Variants in ZNF407 observed in about 807,000 individuals in gnomAD.
ZNF407 encodes the protein zinc finger protein 407.
ZNF407 carries 17 observed loss-of-function variants against 131.2 expected under a neutral mutation model. The observed-to-expected ratio is 0.13, with a 90% CI of 0.09 to 0.19. The LOEUF is 0.19. Ranked by LOEUF, ZNF407 falls within the 10% of genes least tolerant of loss-of-function variation. The pLI is 1.00. For missense variants in ZNF407, 2,681 were observed against 2,830.6 expected (o/e 0.95, Z 1.20); for synonymous variants, 1,156 against 1,062.0 (o/e 1.09, Z -1.72).
intron 3 of ZNF407, among the ~76,000 whole-genome samples, chr18:74,755,211 T>G (rs895831705): frequency 9.9e-5 from 15 of 152,178 alleles, no homozygotes; most frequent in African/African-American, 3.4e-4. Context: ...TTGGTAGATC[T>G]TCCTCCATCC....
At chr18:74,762,947 C>G (rs1969130109) in intron 3 of ZNF407, among the ~76,000 whole-genome samples, 1 of 152,166 alleles carries the variant, frequency 6.6e-6, no homozygotes, top group East Asian at 1.9e-4. Context: ...CTACATTTCT[C>G]TTGGGTAAAT....
At chr18:74,787,742 G>A (rs1340188982) in intron 4 of ZNF407, among the ~76,000 whole-genome samples, 1 of 152,146 alleles carries the variant, frequency 6.6e-6, no homozygotes, top group East Asian at 1.9e-4. Flanking sequence ...TATTTCCATT[G>A]CTAGAGAACT....
At chr18:74,922,806 C>G (rs1435754356) in intron 8 of ZNF407, among the ~76,000 whole-genome samples, 2 of 152,148 alleles carry the variant, frequency 1.3e-5, no homozygotes, top group Middle Eastern at 3.2e-3. Flanking sequence ...TGAACTATCC[C>G]TAGTCCCTGC....
chr18:74,875,251 G>T (rs992805939), intron 4 of ZNF407, among the ~76,000 whole-genome samples: 6 of 152,154 alleles, frequency 3.9e-5, no homozygotes, highest in African/African-American at 1.4e-4. Context: ...TAGAACACAT[G>T]AGGTTTTCTG....
At chr18:74,733,461 A>G (rs1006350180) in intron 3 of ZNF407, among the ~76,000 whole-genome samples, 1 of 152,104 alleles carries the variant, frequency 6.6e-6, no homozygotes. Flanking sequence ...ATCCATGTCT[A>G]ATTTTAAAAA....
intron 4 of ZNF407, among the ~76,000 whole-genome samples, chr18:74,867,277 A>G (rs575054626): frequency 4.5e-4 from 69 of 152,366 alleles, no homozygotes; most frequent in African/African-American, 1.6e-3. Flanking sequence ...TTTGTAAACT[A>G]TACGATATAC....
At chr18:74,934,221 G>A (rs1285813689) in intron 8 of ZNF407, among the ~76,000 whole-genome samples, 1 of 152,184 alleles carries the variant, frequency 6.6e-6, no homozygotes, top group African/African-American at 2.4e-5. Flanking sequence ...ATGGTTTCGT[G>A]TTTGTGAAGG....
intron 3 of ZNF407, among the ~76,000 whole-genome samples, chr18:74,684,393 A>G (rs1196696297): frequency 6.6e-6 from 1 of 152,214 alleles, no homozygotes; most frequent in Non-Finnish European, 1.5e-5. Flanking sequence ...TCTTTCTATG[A>G]ATCCTATTGA....
At position 74,635,604 on chromosome 18, in the gene ZNF407, C is replaced by T. The variant is rs753687764; in HGVS notation, c.4585C>T (p.Arg1529Cys). 5.0e-6 allele frequency: 8 copies of T among 1,613,786 alleles called. No individual in the cohort carries two copies. The highest frequency in any genetic ancestry group is 1.1e-5 in the South Asian group (1 of 91,030). The change falls in exon 2 of 9, where the codon CGC becomes TGC. Residue 1529 changes from arginine (R) to cysteine (C), a missense_variant. Transcript: ENST00000299687. This position sits in a 1 kb window ranked among gnomAD's most constrained non-coding sequence, Gnocchi z 4.7. ...AGTGGAAGACACTGAGCAAATCAAC[C>T]GCGAGAGGGAGGAAAACCAGGGAAA... ...YIVEDTEQIN[R>C]EREENQGNVC...
chr18:74,801,094 T>A (rs1485360906), intron 4 of ZNF407, among the ~76,000 whole-genome samples: 1 of 152,200 alleles, frequency 6.6e-6, no homozygotes, highest in African/African-American at 2.4e-5. Context: ...AGTGATATTC[T>A]ATAATTTCTT....
chr18:74,997,377 T>C (rs1332473691), intron 8 of ZNF407, among the ~76,000 whole-genome samples: 1 of 152,204 alleles, frequency 6.6e-6, no homozygotes, highest in Non-Finnish European at 1.5e-5. Context: ...AGCACCTGCC[T>C]GATGGCTCTC....
chr18:74,599,909 G>T (rs140657350), intron 1 of ZNF407, among the ~76,000 whole-genome samples: 44 of 152,342 alleles, frequency 2.9e-4, no homozygotes, highest in Admixed American at 7.8e-4. Flanking sequence ...CTGTAGTTGA[G>T]ATTGGTTTTT....
intron 6 of ZNF407, among the ~76,000 whole-genome samples, chr18:74,887,992 G>A (rs1019125397): frequency 1.3e-5 from 2 of 152,094 alleles, no homozygotes; most frequent in African/African-American, 4.8e-5. Flanking sequence ...AATGTAGGGC[G>A]AACTTCTAAA....
In ZNF407 at chr18:74,632,831, A is replaced by C. The variant is rs1599027562; in HGVS notation, c.1812A>C (p.Arg604Ser). The change falls in exon 2 of 9, where the codon AGA (arginine) becomes AGC (serine). Residue 604 changes from arginine (R) to serine (S), a missense_variant. By Grantham distance (110) the Arg-to-Ser change is moderately radical. This residue lies in a region of ZNF407 where 1,789 missense variants were observed against 1,748.7 expected (regional missense o/e 1.02). Transcript: ENST00000299687. ...SFISLDEINL[R>S]DHMKEKHNMH... is the part of the protein sequence containing the mutation. Reference sequence around the variant, plus strand: ...TATCCTTGGATGAAATAAATCTTAGAGACCACATGAAGGAAAAGCACAATA... The same window carrying C: ...TATCCTTGGATGAAATAAATCTTAGCGACCACATGAAGGAAAAGCACAATA... The C allele has an allele frequency of 6.2e-7, 1 of 1,613,904 alleles. No homozygotes were observed. Among genetic ancestry groups the C allele is most frequent in the East Asian group, 2.2e-5 (1 of 44,878 alleles).
chr18:74,957,050 C>T (rs1366866154), intron 8 of ZNF407, among the ~76,000 whole-genome samples: 2 of 152,010 alleles, frequency 1.3e-5, no homozygotes, highest in African/African-American at 4.8e-5. Context: ...AGTTTAAAAC[C>T]AGAAGAGAGT....
At chr18:74,644,876 T>C (rs1342594530) in intron 3 of ZNF407, among the ~76,000 whole-genome samples, 1 of 151,996 alleles carries the variant, frequency 6.6e-6, no homozygotes, top group Non-Finnish European at 1.5e-5. Flanking sequence ...TACTTTTTTT[T>C]TCTCTCTAGG....
chr18:74,701,475 A>G (rs1326735627), intron 3 of ZNF407, among the ~76,000 whole-genome samples: 1 of 152,178 alleles, frequency 6.6e-6, no homozygotes, highest in Admixed American at 6.5e-5. Flanking sequence ...GTTTCATGCT[A>G]TGTATGTATA....
intron 8 of ZNF407, among the ~76,000 whole-genome samples, chr18:75,045,922 G>A (rs777200984): frequency 6.6e-6 from 1 of 152,088 alleles, no homozygotes; most frequent in East Asian, 1.9e-4. Context: ...TATTATATTT[G>A]TGTCAGTTTT....
intron 1 of ZNF407, among the ~76,000 whole-genome samples, chr18:74,605,453 T>G (rs1415788429): frequency 6.6e-6 from 1 of 152,206 alleles, no homozygotes; most frequent in Non-Finnish European, 1.5e-5. Flanking sequence ...AAGCCAGCCC[T>G]CACTCTGTTA....
Sources: allele counts gnomAD v4.1 joint callset (sites outside exome capture counted in the v4.1 genomes callset), GRCh38; gene constraint gnomAD v4.1.1; regional missense constraint gnomAD v4.1.1; non-coding constraint Gnocchi (gnomAD v3.1); transcripts MANE v1.5; gene names NCBI Gene and HGNC (gene_info 2026-07-23, HGNC 2026-07-21).